The following NCR2 variants were observed in gnomAD, a reference collection of about 807,000 sequenced individuals.
NCR2 encodes NK cell activating receptor (NKp44).
A neutral mutation model predicts 30.7 loss-of-function variants in NCR2; 35 were observed. The observed-to-expected ratio is 1.14, with a 90% CI of 0.87 to 1.51. The LOEUF (loss-of-function observed/expected upper bound fraction) is 1.51, where lower values mean the gene tolerates loss of function less well. Ranked by LOEUF, NCR2 falls within the 40% of genes most tolerant of loss-of-function variation. The pLI, the probability that NCR2 is intolerant of heterozygous loss-of-function variation, is 0.00. For missense variants in NCR2, 316 were observed against 328.9 expected (o/e 0.96, Z 0.30); for synonymous variants, 146 against 134.8 (o/e 1.08, Z -0.58).
chr6:41,350,688 T>C lies in NCR2; in HGVS notation c.655T>C (p.Trp219Arg). 4 of 1,613,144 alleles carry C rather than the reference T, an allele frequency of 2.5e-6. No homozygotes were observed. The highest frequency in any genetic ancestry group is 1.7e-6 in the Non-Finnish European group (2 of 1,179,606). Residue 219 changes from tryptophan (W) to arginine (R), a missense_variant, in exon 5 of 5, where the codon TGG (tryptophan) becomes CGG (arginine). Transcript: ENST00000373089. ...CTGCTCTGATTGCAGGGGGGACATA[T>C]GGTGGAAAACCATGATGGAGCTCAG... ...SALLVWWGDI[W>R]WKTMMELRSL...
intron 4 of NCR2, chr6:41,342,802 G>T: frequency 1.2e-6 from 1 of 828,002 alleles, no homozygotes; most frequent in Non-Finnish European, 2.0e-6. Context: ...GAAAGGTGCA[G>T]GGACAACTCA....
At chr6:41,350,129 A>G (rs780061161) in intron 4 of NCR2, among the ~76,000 whole-genome samples, 15 of 152,228 alleles carry the variant, frequency 9.9e-5, no homozygotes, top group Non-Finnish European at 1.8e-4. Flanking sequence ...ATGATGCTGG[A>G]AAAGTTTCTT....
rs755536908 is a variant in NCR2 at position 41,350,861 on chromosome 6, G to T, written c.828G>T (p.Leu276Phe). The change falls in exon 5 of 5, where the codon TTG becomes TTT. Residue 276 changes from leucine (L) to phenylalanine (F), a missense_variant. Coordinates refer to ENST00000373089, the MANE Select transcript of NCR2 (RefSeq NM_004828.4). ...GCGATGATGATGATGAACACACTTT[G>T]TGAATAATAAAATTATCTGAATGTT... ...KISDDDDEHT[L>F] 3.6e-6 allele frequency: 3 copies of T among 833,326 alleles called. No individual in the cohort carries two copies. Among genetic ancestry groups the T allele is most frequent in the Non-Finnish European group, 6.3e-6 (3 of 479,722 alleles). 51.6% of individuals were successfully genotyped at this position (833,326 alleles called of 1,614,324 possible).
intron 4 of NCR2, among the ~76,000 whole-genome samples, chr6:41,346,056 G>T (rs1476055885): frequency 6.6e-6 from 1 of 152,060 alleles, no homozygotes; most frequent in African/African-American, 2.4e-5. Context: ...GTAGCTTTCT[G>T]CCATTAGGCT....
intron 4 of NCR2, chr6:41,342,822 G>C: frequency 9.3e-7 from 1 of 1,073,214 alleles, no homozygotes. Context: ...AGTCAGGCCA[G>C]GAGCCGGCTT....
intron 2 of NCR2, 140 bp from the exon 3 acceptor site, chr6:41,341,654 C>T: frequency 8.9e-7 from 1 of 1,122,462 alleles, no homozygotes; most frequent in Non-Finnish European, 1.3e-6. Flanking sequence ...AGTTCAGTCC[C>T]CACCCCTCAA....
chr6:41,349,114 T>C (rs6932291), intron 4 of NCR2, among the ~76,000 whole-genome samples: 92,779 of 145,996 alleles, frequency 0.64, 31,010 homozygotes, highest in Admixed American at 0.74. Context: ...TTTTTATTTT[T>C]TATATTTTAT....
In NCR2 at chr6:41,336,436, C is replaced by A; in HGVS notation, c.394+8C>A. ...ATCTGGTGGTATCTCCAGGTGAGCT[C>A]TTTCCCTAGGGTCCTCAGAGGGGTG... On this transcript the variant is annotated splice_region_variant and intron_variant, in intron 2 of 4. Transcript: ENST00000373089. 1.2e-6 allele frequency: 2 copies of A among 1,608,170 alleles called. No individual in the cohort carries two copies. Among genetic ancestry groups the A allele is most frequent in the Non-Finnish European group, 1.7e-6 (2 of 1,175,452 alleles).
chr6:41,350,546 A>C, intron 4 of NCR2, 132 bp from the exon 5 acceptor site: 1 of 731,750 alleles, frequency 1.4e-6, no homozygotes, highest in South Asian at 1.8e-5. Context: ...CCAGGAGCAG[A>C]CTTCATCCTT....
At chr6:41,344,904 G>A (rs1769265734) in intron 4 of NCR2, among the ~76,000 whole-genome samples, 1 of 152,170 alleles carries the variant, frequency 6.6e-6, no homozygotes, top group Non-Finnish European at 1.5e-5. Flanking sequence ...TCACAGCTCT[G>A]TTTCTCTAGA....
intron 4 of NCR2, among the ~76,000 whole-genome samples, chr6:41,343,694 T>G (rs1769232876): frequency 6.6e-6 from 1 of 152,134 alleles, no homozygotes; most frequent in Admixed American, 6.5e-5. Flanking sequence ...GTTACCTTCT[T>G]GGTAAAAGGT....
chr6:41,339,981 T>C (rs1769129764), intron 2 of NCR2, among the ~76,000 whole-genome samples: 1 of 152,196 alleles, frequency 6.6e-6, no homozygotes, highest in Non-Finnish European at 1.5e-5. Flanking sequence ...TTCATTAGAA[T>C]GCTAATTAGG....
At chr6:41,342,878 G>A (rs941643004) in intron 4 of NCR2, 6 of 1,523,238 alleles carry the variant, frequency 3.9e-6, no homozygotes, top group African/African-American at 2.8e-5. Context: ...GTGTGAGAAC[G>A]GATTCAAGTC....
chr6:41,338,375 C>A (rs993033912), intron 2 of NCR2, among the ~76,000 whole-genome samples: 5 of 152,174 alleles, frequency 3.3e-5, no homozygotes, highest in Admixed American at 1.3e-4. Flanking sequence ...TGTTGGTCAG[C>A]ACAACGTTCA....
intron 2 of NCR2, among the ~76,000 whole-genome samples, chr6:41,338,797 G>A (rs980013245): frequency 6.6e-6 from 1 of 152,190 alleles, no homozygotes; most frequent in Non-Finnish European, 1.5e-5. Flanking sequence ...AAGGCGTCAA[G>A]GGAAAATGAT....
chr6:41,342,172 T>C, intron 4 of NCR2, 23 bp downstream of exon 4: 2 of 1,609,684 alleles, frequency 1.2e-6, no homozygotes. Context: ...TGGGTTGAAC[T>C]CGGGGAAAAT....
At chr6:41,347,564 A>G (rs1769332395) in intron 4 of NCR2, among the ~76,000 whole-genome samples, 1 of 152,236 alleles carries the variant, frequency 6.6e-6, no homozygotes, top group Non-Finnish European at 1.5e-5. Context: ...CACCCTAGGC[A>G]TGGCCTCCCA....
intron 4 of NCR2, among the ~76,000 whole-genome samples, chr6:41,350,244 C>A (rs1242165644): frequency 6.6e-6 from 1 of 152,124 alleles, no homozygotes; most frequent in Non-Finnish European, 1.5e-5. Context: ...CAAAAAGCAC[C>A]AGACAAAAGG....
At chr6:41,348,313 C>G (rs1393889864) in intron 4 of NCR2, among the ~76,000 whole-genome samples, 1 of 152,158 alleles carries the variant, frequency 6.6e-6, no homozygotes, top group East Asian at 1.9e-4. Context: ...GGAAATTCCT[C>G]AGGTGTAATT....
Sources: allele counts gnomAD v4.1 joint callset (sites outside exome capture counted in the v4.1 genomes callset), GRCh38; gene constraint gnomAD v4.1.1; transcripts MANE v1.5; gene names NCBI Gene and HGNC (gene_info 2026-07-23, HGNC 2026-07-21).